RELN: variants seen among roughly 807,000 people sequenced by gnomAD.
RELN encodes reelin.
RELN carries 108 observed loss-of-function variants against 427.6 expected under a neutral mutation model. That is an observed-to-expected ratio of 0.25 (90% confidence interval 0.22 to 0.30). The LOEUF (loss-of-function observed/expected upper bound fraction) is 0.30. Ranked by LOEUF, RELN falls within the 10% of genes least tolerant of loss-of-function variation. RELN has a pLI of 1.00. For synonymous variants in RELN, 1,524 were observed against 1,513.4 expected (o/e 1.01, Z -0.16); for missense variants, 3,715 against 4,302.8 (o/e 0.86, Z 3.82).
chr7:103,538,257 T>G (rs1295388303), intron 45 of RELN, among the ~76,000 whole-genome samples: 2 of 152,182 alleles, frequency 1.3e-5, no homozygotes, highest in Admixed American at 1.3e-4. Context: ...AATTTCTGCC[T>G]CCCCTCTACC....
intron 7 of RELN, among the ~76,000 whole-genome samples, chr7:103,723,931 T>C (rs1790139168): frequency 1.3e-5 from 2 of 152,186 alleles, no homozygotes; most frequent in African/African-American, 4.8e-5. Flanking sequence ...TTAAGCAAAA[T>C]TTCCCCCTTC....
At chr7:103,700,850 T>C (rs1030355811) in intron 9 of RELN, 60 bp downstream of exon 9, 14 of 1,013,232 alleles carry the variant, frequency 1.4e-5, no homozygotes, top group African/African-American at 3.2e-5. Context: ...TGAAGGCATA[T>C]AGGAGAGTAG....
At chr7:103,724,485 A>C (rs576768623) in intron 7 of RELN, among the ~76,000 whole-genome samples, 2 of 152,358 alleles carry the variant, frequency 1.3e-5, no homozygotes, top group Admixed American at 6.5e-5. Flanking sequence ...ATACACGGCT[A>C]TAAAGCTACT....
chr7:103,682,346 A>C, intron 10 of RELN, 85 bp from the exon 11 acceptor site: 1 of 1,456,192 alleles, frequency 6.9e-7, no homozygotes, highest in Non-Finnish European at 9.6e-7. Context: ...TAGAGTTTTT[A>C]GAAAAGTTAT....
intron 32 of RELN, 43 bp downstream of exon 32, chr7:103,566,558 T>C (rs747656805): frequency 1.9e-6 from 3 of 1,612,818 alleles, no homozygotes; most frequent in African/African-American, 1.3e-5. Flanking sequence ...GGATACTTCA[T>C]GACCTAAAAG....
intron 11 of RELN, among the ~76,000 whole-genome samples, chr7:103,666,749 C>G (rs915377172): frequency 3.9e-5 from 6 of 152,122 alleles, no homozygotes; most frequent in African/African-American, 1.4e-4. Flanking sequence ...ATTTTCCCAC[C>G]ACCTGGGTGG....
At chr7:103,480,946 A>G (rs1171130478) in intron 63 of RELN, among the ~76,000 whole-genome samples, 1 of 152,194 alleles carries the variant, frequency 6.6e-6, no homozygotes, top group Admixed American at 6.5e-5. Context: ...AAGTATTTAA[A>G]ATATGGAGCT....
intron 60 of RELN, among the ~76,000 whole-genome samples, chr7:103,487,200 T>A (rs947645958): frequency 5.3e-5 from 8 of 151,988 alleles, no homozygotes; most frequent in Non-Finnish European, 4.4e-5. Flanking sequence ...AGGTGGGAGT[T>A]GAACAATTAG....
At position 103,747,588 on chromosome 7, in the gene RELN, T is replaced by G. The variant is rs113319472; in HGVS notation, c.656+1838A>C. ...TATCAGGGCCTCTGCCACCTTTTGTTTAACAGAACAGTCATCTCTCAAATA... is the reference window on the plus strand; with the variant it reads ...TATCAGGGCCTCTGCCACCTTTTGTGTAACAGAACAGTCATCTCTCAAATA... On this transcript the variant is annotated intron_variant, in intron 6 of 64. Coordinates refer to ENST00000428762, the MANE Select transcript of RELN (RefSeq NM_005045.4). Among the ~76,000 whole-genome samples the G allele has an allele frequency of 4.4e-3, 663 of 151,836 alleles. 5 individuals are homozygous for G. Among genetic ancestry groups the G allele is most frequent in the African/African-American group, 0.015 (626 of 41,416 alleles).
chr7:103,906,417 T>G (rs1795205245), intron 2 of RELN, among the ~76,000 whole-genome samples: 3 of 152,182 alleles, frequency 2.0e-5, no homozygotes, highest in Non-Finnish European at 1.5e-5. Flanking sequence ...AGATAGCAAG[T>G]GCTTGATAAT....
chr7:103,754,838 GGAA>G (rs1363350501), intron 4 of RELN, among the ~76,000 whole-genome samples: 1 of 152,116 alleles, frequency 6.6e-6, no homozygotes, highest in Non-Finnish European at 1.5e-5. Context: ...ACGGACAGGT[GGAA>G]GAAGACAAGC....
chr7:103,921,940 G>A (rs1795626193), intron 1 of RELN, among the ~76,000 whole-genome samples: 1 of 152,084 alleles, frequency 6.6e-6, no homozygotes, highest in Non-Finnish European at 1.5e-5. Context: ...CTGACCTCCT[G>A]GGGAAATTCA....
At position 103,575,535 on chromosome 7, in the gene RELN, T is replaced by C. The variant is rs1468002320; in HGVS notation, c.4303+13A>G. ...TTACAATAAAACCCTCAGACACATG[T>C]ATTTAGCCTTACCAGTATATCCCAG... On this transcript the variant is annotated intron_variant, in intron 29 of 64. Coordinates refer to ENST00000428762, the MANE Select transcript of RELN (RefSeq NM_005045.4). 6.2e-7 allele frequency: 1 copy of C among 1,613,298 alleles called. No homozygotes were observed. The highest frequency in any genetic ancestry group is 1.1e-5 in the South Asian group (1 of 91,070).
chr7:103,872,075 T>C (rs1794357224), intron 2 of RELN, among the ~76,000 whole-genome samples: 1 of 147,668 alleles, frequency 6.8e-6, no homozygotes, highest in East Asian at 2.0e-4. Context: ...TTTATTTTTT[T>C]ATTATACTTT....
intron 6 of RELN, among the ~76,000 whole-genome samples, chr7:103,744,926 T>C (rs1277285065): frequency 6.6e-6 from 1 of 152,200 alleles, no homozygotes; most frequent in African/African-American, 2.4e-5. Context: ...GAGGCCACTA[T>C]CATCCTGATT....
At chr7:103,528,026 T>C (rs28612081) in intron 46 of RELN, among the ~76,000 whole-genome samples, 7,885 of 152,244 alleles carry the variant, frequency 0.052, 275 homozygotes, top group South Asian at 0.15. Flanking sequence ...TTTCTCAAAA[T>C]GTTGAACATA....
At chr7:103,927,466 C>T (rs1371957342) in intron 1 of RELN, among the ~76,000 whole-genome samples, 1 of 152,122 alleles carries the variant, frequency 6.6e-6, no homozygotes, top group East Asian at 1.9e-4. Context: ...TAATATGCTA[C>T]AACTGAATTC....
chr7:103,648,318 G>A (rs893516850), intron 16 of RELN, among the ~76,000 whole-genome samples: 2 of 152,170 alleles, frequency 1.3e-5, no homozygotes, highest in African/African-American at 4.8e-5. Context: ...CTCTGGCCAT[G>A]TAAAACGTGC....
chr7:103,746,890 T>G (rs1310806724), intron 6 of RELN, among the ~76,000 whole-genome samples: 2 of 152,014 alleles, frequency 1.3e-5, no homozygotes, highest in Non-Finnish European at 2.9e-5. Flanking sequence ...GAAATACCAT[T>G]TGACCCAGCC....
Sources: allele counts gnomAD v4.1 joint callset (sites outside exome capture counted in the v4.1 genomes callset), GRCh38; gene constraint gnomAD v4.1.1; transcripts MANE v1.5; gene names NCBI Gene and HGNC (gene_info 2026-07-23, HGNC 2026-07-21).